The following TPP2 variants were observed in gnomAD, a reference collection of about 807,000 sequenced individuals.
TPP2 encodes the protein tripeptidyl peptidase 2, also known as tripeptidyl-peptidase 2.
A neutral mutation model predicts 155.9 loss-of-function variants in TPP2; 34 were observed. That is an observed-to-expected ratio of 0.22 (90% CI 0.17 to 0.29). The LOEUF (loss-of-function observed/expected upper bound fraction) is 0.29, where lower values mean the gene tolerates loss of function less well. TPP2 is among the 10% of genes least tolerant of loss of function. The pLI, the probability that TPP2 is intolerant of heterozygous loss-of-function variation, is 1.00. For missense variants in TPP2, 1,028 were observed against 1,522.3 expected, an observed-to-expected ratio of 0.68 and a Z score of 5.40; for synonymous variants, 510 against 529.4, an observed-to-expected ratio of 0.96 and a Z score of 0.50.
At chr13:102,655,222 G>T (rs529271236) in intron 24 of TPP2, among the ~76,000 whole-genome samples, 3 of 152,062 alleles carry the variant, frequency 2.0e-5, no homozygotes, top group African/African-American at 7.2e-5. Flanking sequence ...TTTATACCCC[G>T]AAATTGTGTT....
chr13:102,666,025 G>T (rs1454813865), intron 27 of TPP2, among the ~76,000 whole-genome samples: 1 of 152,062 alleles, frequency 6.6e-6, no homozygotes, highest in African/African-American at 2.4e-5. Context: ...CCATTTTGTT[G>T]TTGTTGTTAA....
intron 1 of TPP2, among the ~76,000 whole-genome samples, chr13:102,601,892 G>A (rs1879457473): frequency 6.6e-6 from 1 of 152,176 alleles, no homozygotes; most frequent in Non-Finnish European, 1.5e-5. Context: ...AATTTGTAAT[G>A]AAAATTTGTG....
chr13:102,631,927 C>T (rs767383460), intron 10 of TPP2, among the ~76,000 whole-genome samples: 77 of 152,296 alleles, frequency 5.1e-4, no homozygotes, highest in Non-Finnish European at 9.0e-4. Context: ...GGCATTTGCA[C>T]GTGTGGCATA....
intron 16 of TPP2, among the ~76,000 whole-genome samples, chr13:102,641,917 G>C (rs1882791538): frequency 6.6e-6 from 1 of 152,112 alleles, no homozygotes; most frequent in South Asian, 2.1e-4. Context: ...ACTTAGACAA[G>C]GACCCTGCTT....
chr13:102,605,720 CTTTTTTTCTTT>C lies in TPP2; in HGVS notation c.294+808_294+818del, dbSNP rs1879775036. 2.3e-5 allele frequency among the ~76,000 whole-genome samples: 3 copies of C among 133,246 alleles called. No individual in the cohort carries two copies. The South Asian group carries it at 7.0e-4, about 31-fold the overall frequency. 87.4% of individuals were successfully genotyped at this position (133,246 alleles called of 152,430 possible). ...TTGTCTTTTTTTTTTTTTTAAACTT[CTTTTTTTCTTT>C]TTTTTTTCGAGACATAGAGTCTTGC... is the stretch of plus-strand genomic sequence containing the variant. On this transcript the variant is annotated intron_variant, in intron 2 of 29. Transcript: ENST00000376052.
intron 8 of TPP2, 21 bp downstream of exon 8, chr13:102,627,945 G>A: frequency 6.3e-7 from 1 of 1,595,334 alleles, no homozygotes; most frequent in Non-Finnish European, 8.6e-7. Flanking sequence ...CTTGACAGTT[G>A]TTTAGCCATA....
chr13:102,649,550 G>A (rs954123352), intron 23 of TPP2, 64 bp downstream of exon 23: 6 of 1,391,554 alleles, frequency 4.3e-6, no homozygotes, highest in Non-Finnish European at 5.0e-6. Context: ...TTAAAGATAA[G>A]AATTAATTCC....
intron 1 of TPP2, among the ~76,000 whole-genome samples, chr13:102,599,408 T>C (rs1879255226): frequency 6.6e-6 from 1 of 152,178 alleles, no homozygotes; most frequent in African/African-American, 2.4e-5. Context: ...CCTGTACCTT[T>C]AACAGATTTA....
intron 24 of TPP2, among the ~76,000 whole-genome samples, chr13:102,653,869 A>G (rs759119773): frequency 5.9e-5 from 9 of 152,210 alleles, no homozygotes; most frequent in Non-Finnish European, 1.3e-4. Context: ...GTGTTGCCCA[A>G]AGAGTAGTTA....
chr13:102,617,211 G>A (rs2139447409), intron 4 of TPP2, among the ~76,000 whole-genome samples: 1 of 152,166 alleles, frequency 6.6e-6, no homozygotes, highest in African/African-American at 2.4e-5. Context: ...ACCGTGCCCG[G>A]CCTATGTATT....
At chr13:102,638,176 C>A in intron 14 of TPP2, 63 bp from the exon 15 acceptor site, 1 of 1,306,396 alleles carries the variant, frequency 7.7e-7, no homozygotes, top group Non-Finnish European at 1.1e-6. Context: ...GTAGTTTAGA[C>A]CTTCCCCCGC....
At chr13:102,659,465 A>G (rs1884065470) in intron 25 of TPP2, among the ~76,000 whole-genome samples, 1 of 152,206 alleles carries the variant, frequency 6.6e-6, no homozygotes, top group African/African-American at 2.4e-5. Context: ...TGAGAGGAGC[A>G]AGACAAAAAC....
chr13:102,633,856 T>TA, intron 10 of TPP2, 94 bp from the exon 11 acceptor site: 1 of 1,551,010 alleles, frequency 6.4e-7, no homozygotes, highest in Non-Finnish European at 8.8e-7. Context: ...TACATAGTGT[T>TA]ATACTATTGG....
At chr13:102,671,849 G>C (rs1885002920) in intron 27 of TPP2, among the ~76,000 whole-genome samples, 1 of 152,126 alleles carries the variant, frequency 6.6e-6, no homozygotes, top group Non-Finnish European at 1.5e-5. Context: ...GTTTGCATTA[G>C]GTCCCTTAAT....
intron 10 of TPP2, 122 bp downstream of exon 10, chr13:102,630,317 T>C: frequency 3.1e-6 from 2 of 637,862 alleles, no homozygotes; most frequent in Non-Finnish European, 5.1e-6. Context: ...TTTTTTTCAG[T>C]ATTTTCATTT....
At chr13:102,619,445 AAAC>A (rs1052875117) in intron 5 of TPP2, among the ~76,000 whole-genome samples, 3 of 151,914 alleles carry the variant, frequency 2.0e-5, no homozygotes, top group East Asian at 2.0e-4. Context: ...TGCAAAAAAA[AAAC>A]AAACAAACAG....
At chr13:102,634,426 A>C (rs1314816491) in intron 11 of TPP2, among the ~76,000 whole-genome samples, 1 of 152,174 alleles carries the variant, frequency 6.6e-6, no homozygotes, top group Non-Finnish European at 1.5e-5. Flanking sequence ...ACAAAATAAA[A>C]AACTGTAGAT....
Position 102,637,013 on chromosome 13 carries a change from A to G in TPP2, c.1679-69A>G, listed in dbSNP as rs1882425831. The G allele has an allele frequency of 6.0e-6, 9 of 1,504,672 alleles. No individual in the cohort carries two copies. The South Asian group carries it at 1.2e-4, about 20-fold the overall frequency. The allele number at this position is 1,504,672 out of a possible 1,614,324, so 93.2% of individuals were successfully genotyped here. On this transcript the variant is annotated intron_variant, in intron 13 of 29. Transcript: ENST00000376052. ...CAAGTCGCTAAATTTTTTTGGAAAG[A>G]TGTAACATTTTTAAATGGAAAAAAG... is the stretch of plus-strand genomic sequence containing the variant.
chr13:102,646,275 T>C lies in TPP2; in HGVS notation c.2394-19T>C, dbSNP rs766059432. 6.3e-7 allele frequency: 1 copy of C among 1,596,026 alleles called. No homozygotes were observed. The highest frequency in any genetic ancestry group is 1.1e-5 in the South Asian group (1 of 88,232). On this transcript the variant is annotated intron_variant, in intron 19 of 29. Transcript: ENST00000376052. ...ATGAACTCTTGAATCAAACCAGTTA[T>C]GTAGTTTCCTCATTACAGCCCAGTG... is the stretch of plus-strand genomic sequence containing the variant.
Sources: allele counts gnomAD v4.1 joint callset (sites outside exome capture counted in the v4.1 genomes callset), GRCh38; gene constraint gnomAD v4.1.1; transcripts MANE v1.5; gene names NCBI Gene and HGNC (gene_info 2026-07-23, HGNC 2026-07-21).